The following RARB variants were observed in gnomAD, a reference collection of about 807,000 sequenced individuals.
RARB encodes HBV-activated protein.
A neutral mutation model predicts 51.9 loss-of-function variants in RARB; 17 were observed. The observed-to-expected ratio is 0.33, with a 90% CI of 0.22 to 0.49. The LOEUF is 0.49. Ranked by LOEUF, RARB falls within the 20% of genes least tolerant of loss-of-function variation. The pLI is 0.99. For missense variants in RARB, 369 were observed against 550.8 expected (o/e 0.67, Z 3.30); for synonymous variants, 215 against 195.4 (o/e 1.10, Z -0.84).
At position 25,358,465 on chromosome 3, in the gene RARB, C is replaced by T. The variant is rs190891151; in HGVS notation, c.179-102728C>T. On this transcript the variant is annotated intron_variant, in intron 5 of 11. Transcript: ENST00000383772. ...ACTTCCTCTCTTCCTATTTCAAAAC[C>T]CTTTATTTCTTTCTCTTGCCTGATT... Among the ~76,000 whole-genome samples the T allele has an allele frequency of 4.3e-3, 650 of 152,174 alleles. 2 individuals are homozygous for T. Among genetic ancestry groups the T allele is most frequent in the Middle Eastern group, 0.017 (5 of 294 alleles).
chr3:24,978,929 C>A (rs1377326504), intron 2 of RARB, among the ~76,000 whole-genome samples: 6 of 152,152 alleles, frequency 3.9e-5, no homozygotes, highest in Non-Finnish European at 4.4e-5. Context: ...TTAAATGTGT[C>A]CCAGAGATTC....
intron 2 of RARB, among the ~76,000 whole-genome samples, chr3:24,950,029 C>T (rs1248189435): frequency 2.6e-5 from 4 of 152,154 alleles, no homozygotes; most frequent in Admixed American, 6.5e-5. Flanking sequence ...AAATATTGTG[C>T]CATTGAAATG....
In RARB at chr3:25,389,907, A is replaced by G. The variant is rs57340928; in HGVS notation, c.179-71286A>G. On this transcript the variant is annotated intron_variant, in intron 5 of 11. Transcript: ENST00000383772. Reference sequence around the variant, plus strand: ...TTGAGTCTTGAACAAAAGTCAACCAAATGGGGAAGAGTAGTGATGTAGATA... The same window carrying G: ...TTGAGTCTTGAACAAAAGTCAACCAGATGGGGAAGAGTAGTGATGTAGATA... Among the ~76,000 whole-genome samples, 830 of 152,284 alleles carry G rather than the reference A, an allele frequency of 5.5e-3. 7 individuals are homozygous for G. Among genetic ancestry groups the G allele is most frequent in the African/African-American group, 0.019 (785 of 41,552 alleles).
intron 5 of RARB, among the ~76,000 whole-genome samples, chr3:25,193,168 T>C (rs1394324360): frequency 6.6e-6 from 1 of 152,156 alleles, no homozygotes; most frequent in South Asian, 2.1e-4. Flanking sequence ...ATCTTAACTT[T>C]TTGGCTTAGT....
At chr3:25,191,516 G>A (rs935084475) in intron 5 of RARB, among the ~76,000 whole-genome samples, 17 of 151,860 alleles carry the variant, frequency 1.1e-4, no homozygotes, top group African/African-American at 3.9e-4. Flanking sequence ...GTTAAATGAA[G>A]GAAAGAATCC....
intron 3 of RARB, among the ~76,000 whole-genome samples, chr3:25,095,289 C>G (rs1440513164): frequency 6.6e-6 from 1 of 152,196 alleles, no homozygotes; most frequent in Non-Finnish European, 1.5e-5. Context: ...CCATCTCTTT[C>G]AAGAGAATAG....
chr3:25,216,792 T>A (rs922272838), intron 5 of RARB, among the ~76,000 whole-genome samples: 1 of 151,386 alleles, frequency 6.6e-6, no homozygotes, highest in South Asian at 2.1e-4. Context: ...AATATATGTA[T>A]ATATTATTTA....
intron 5 of RARB, among the ~76,000 whole-genome samples, chr3:25,305,600 G>T (rs1270571956): frequency 1.3e-5 from 2 of 152,174 alleles, no homozygotes; most frequent in Admixed American, 6.5e-5. Context: ...ACCTTTAGTA[G>T]AATCACCCCT....
chr3:25,025,214 C>A (rs1697722472), intron 2 of RARB: 1 of 152,160 alleles, frequency 6.6e-6, no homozygotes, highest in Admixed American at 6.5e-5. Flanking sequence ...TTTTCATCTA[C>A]ATAGCACTTC....
chr3:25,355,684 G>A (rs1412685452), intron 5 of RARB, among the ~76,000 whole-genome samples: 2 of 152,124 alleles, frequency 1.3e-5, no homozygotes, highest in East Asian at 1.9e-4. Context: ...ATAATCATGT[G>A]TTATCAGACT....
intron 3 of RARB, among the ~76,000 whole-genome samples, chr3:25,069,636 G>C (rs1193030884): frequency 3.3e-5 from 5 of 152,138 alleles, no homozygotes; most frequent in Non-Finnish European, 5.9e-5. Flanking sequence ...AGAGGGAACT[G>C]CACCGTAGCT....
At chr3:24,981,147 C>T (rs939386896) in intron 2 of RARB, among the ~76,000 whole-genome samples, 1 of 152,166 alleles carries the variant, frequency 6.6e-6, no homozygotes, top group Non-Finnish European at 1.5e-5. Flanking sequence ...GAAGCTTCGT[C>T]CCAGAGAGGG....
At chr3:25,564,834 A>G (rs1480951076) in intron 3 of RARB, among the ~76,000 whole-genome samples, 2 of 151,992 alleles carry the variant, frequency 1.3e-5, no homozygotes, top group Non-Finnish European at 2.9e-5. Flanking sequence ...AGCTTGTCAA[A>G]CTCCCAGGTC....
chr3:25,237,362 T>A (rs1366809345), intron 5 of RARB, among the ~76,000 whole-genome samples: 4 of 152,150 alleles, frequency 2.6e-5, no homozygotes, highest in Non-Finnish European at 5.9e-5. Context: ...TTCTGCTTTT[T>A]TTCCTATCTG....
intron 4 of RARB, among the ~76,000 whole-genome samples, chr3:25,156,681 A>C (rs1170156567): frequency 6.6e-6 from 1 of 152,116 alleles, no homozygotes; most frequent in Non-Finnish European, 1.5e-5. Context: ...CATTAAAAAA[A>C]TGCTTCAGCC....
intron 2 of RARB, among the ~76,000 whole-genome samples, chr3:25,487,672 G>A (rs970709199): frequency 2.6e-5 from 4 of 152,124 alleles, no homozygotes; most frequent in Non-Finnish European, 5.9e-5. Context: ...GCTCATAAAA[G>A]CCATTTGGAA....
At chr3:25,276,122 G>A (rs191551705) in intron 5 of RARB, among the ~76,000 whole-genome samples, 1 of 152,092 alleles carries the variant, frequency 6.6e-6, no homozygotes, top group Non-Finnish European at 1.5e-5. Context: ...ATTAAATGAG[G>A]CAATTCATGT....
intron 5 of RARB, among the ~76,000 whole-genome samples, chr3:25,205,552 C>T (rs946122833): frequency 4.6e-5 from 7 of 151,970 alleles, no homozygotes; most frequent in East Asian, 1.9e-4. Context: ...TGTTCGTATT[C>T]GGCCATCTTG....
intron 5 of RARB, among the ~76,000 whole-genome samples, chr3:25,221,765 A>G (rs975676793): frequency 2.6e-5 from 4 of 152,084 alleles, no homozygotes; most frequent in African/African-American, 4.8e-5. Flanking sequence ...TCAGCTGTCA[A>G]TTTAGAGATC....
Sources: allele counts gnomAD v4.1 joint callset (sites outside exome capture counted in the v4.1 genomes callset), GRCh38; gene constraint gnomAD v4.1.1; transcripts MANE v1.5; gene names NCBI Gene and HGNC (gene_info 2026-07-23, HGNC 2026-07-21).